The following TDRD12 variants were observed in gnomAD, a reference collection of about 807,000 sequenced individuals.
TDRD12 encodes the protein tudor domain containing 12.
TDRD12 carries 158 observed loss-of-function variants against 133.5 expected under a neutral mutation model. The observed-to-expected ratio is 1.18, with a 90% CI of 1.04 to 1.35. TDRD12 has a LOEUF of 1.35. TDRD12 is among the 40% of genes most tolerant of loss of function. The pLI is 0.00. For missense variants in TDRD12, 1,443 were observed against 1,321.3 expected, an observed-to-expected ratio of 1.09 and a Z score of -1.43; for synonymous variants, 460 against 477.9, an observed-to-expected ratio of 0.96 and a Z score of 0.49.
intron 6 of TDRD12, among the ~76,000 whole-genome samples, chr19:32,750,260 A>C (rs1290632786): frequency 6.6e-6 from 1 of 151,960 alleles, no homozygotes; most frequent in African/African-American, 2.4e-5. Flanking sequence ...AAGAAAGCGG[A>C]CATCATATGT....
intron 21 of TDRD12, among the ~76,000 whole-genome samples, chr19:32,803,798 T>G (rs1010699450): frequency 1.3e-5 from 2 of 152,186 alleles, no homozygotes; most frequent in African/African-American, 2.4e-5. Context: ...AATATGCATT[T>G]CCCTAATGAT....
intron 11 of TDRD12, among the ~76,000 whole-genome samples, chr19:32,786,810 A>C (rs1970920809): frequency 6.6e-6 from 1 of 152,114 alleles, no homozygotes; most frequent in African/African-American, 2.4e-5. Context: ...TGGTTATTCT[A>C]GTTAGCCATT....
At chr19:32,827,226 T>G in exon 10 of TDRD12, 1 of 1,232,054 alleles carries the variant, frequency 8.1e-7, no homozygotes, top group Non-Finnish European at 1.0e-6. Context: ...TAGCAGCACT[T>G]CAGAGGATGA....
At chr19:32,808,393 C>G in intron 22 of TDRD12, among the ~76,000 whole-genome samples, 1 of 152,152 alleles carries the variant, frequency 6.6e-6, no homozygotes, top group East Asian at 1.9e-4. Context: ...AGGGCCATGC[C>G]CCTCCACAGC....
chr19:32,790,582 T>A, exon 12 of TDRD12: 1 of 1,551,904 alleles, frequency 6.4e-7, no homozygotes, highest in Non-Finnish European at 8.7e-7. Context: ...GAATCTCTGA[T>A]CTCCAGCAGG....
At chr19:32,812,538 G>C (rs770697693) in intron 24 of TDRD12, among the ~76,000 whole-genome samples, 14 of 152,186 alleles carry the variant, frequency 9.2e-5, no homozygotes, top group Non-Finnish European at 1.3e-4. Flanking sequence ...AGTAAAAGGA[G>C]CCTTTATCAC....
In TDRD12 at chr19:32,730,120, C is replaced by T. The variant is rs138571452; in HGVS notation, c.25-1605C>T. On this transcript the variant is annotated intron_variant, in intron 1 of 27. Coordinates refer to ENST00000444215, the Ensembl canonical transcript of TDRD12. ...TGCGTATTTCTTTCAGCCTTCCCAC[C>T]ATTGGTCTTCTCTGGACTCCTTGGG... Among the ~76,000 whole-genome samples, 1,166 of 152,212 alleles carry T rather than the reference C, an allele frequency of 7.7e-3. 5 individuals carry two copies. Among genetic ancestry groups the T allele is most frequent in the Non-Finnish European group, 0.013 (851 of 68,018 alleles).
At chr19:32,752,758 C>A (rs1373506602) in intron 6 of TDRD12, among the ~76,000 whole-genome samples, 1 of 151,304 alleles carries the variant, frequency 6.6e-6, no homozygotes, top group African/African-American at 2.4e-5. Context: ...TTGTTATTTG[C>A]CAGACCTAGC....
intron 4 of TDRD12, among the ~76,000 whole-genome samples, chr19:32,745,031 T>C (rs1969559254): frequency 6.6e-6 from 1 of 152,226 alleles, no homozygotes. Flanking sequence ...GATAAGTCCC[T>C]GCTGAGGCCA....
chr19:32,755,841 C>A, intron 6 of TDRD12, 151 bp from the exon 7 acceptor site: 1 of 559,644 alleles, frequency 1.8e-6, no homozygotes. Flanking sequence ...TTTGGTTTAC[C>A]AGAGCAGGAG....
intron 2 of TDRD12, among the ~76,000 whole-genome samples, chr19:32,734,652 C>T (rs889511647): frequency 1.3e-5 from 2 of 152,130 alleles, no homozygotes; most frequent in Admixed American, 1.3e-4. Context: ...GGATTACAGG[C>T]ATGAATCACT....
chr19:32,804,208 G>C (rs946635850), intron 21 of TDRD12, among the ~76,000 whole-genome samples: 7 of 151,626 alleles, frequency 4.6e-5, no homozygotes, highest in African/African-American at 1.7e-4. Context: ...GAGTAGCTGG[G>C]ACTACAGGCA....
intron 27 of TDRD12, among the ~76,000 whole-genome samples, chr19:32,820,260 TC>T (rs1222195327): frequency 6.6e-6 from 1 of 152,130 alleles, no homozygotes; most frequent in Non-Finnish European, 1.5e-5. Flanking sequence ...ACACCCCTCC[TC>T]CTCGTGTGTG....
At chr19:32,747,878 G>T (rs148464160) in intron 4 of TDRD12, among the ~76,000 whole-genome samples, 2 of 152,164 alleles carry the variant, frequency 1.3e-5, no homozygotes, top group African/African-American at 4.8e-5. Flanking sequence ...CGCTGAGTGT[G>T]GTGGGGCACA....
chr19:32,790,519 A>G lies in TDRD12; in HGVS notation c.1122-12A>G. 1 of 1,550,140 alleles carries G rather than the reference A, an allele frequency of 6.5e-7. No individual in the cohort carries two copies. Among genetic ancestry groups the G allele is most frequent in the Non-Finnish European group, 8.7e-7 (1 of 1,146,272 alleles). ...CCTTTTTCTTCACATTCTTCTTTTA[A>G]CTATCTTACAGATTACTGCAGTTTT... is the stretch of plus-strand genomic sequence containing the variant. On this transcript the variant is annotated splice_polypyrimidine_tract_variant and intron_variant, in intron 11 of 27. Transcript: ENST00000444215.
intron 26 of TDRD12, among the ~76,000 whole-genome samples, chr19:32,815,992 C>CAAAA (rs1568495667): frequency 7.2e-6 from 1 of 139,068 alleles, no homozygotes. Context: ...GACTACGTCT[C>CAAAA]AAAAAAGAAA....
chr19:32,731,884 G>A lies in TDRD12; in HGVS notation c.183+1G>A, dbSNP rs1969068610. ...ACCCTTAACATTGGAAGAAGGACAG[G>A]TATGTATCTAAATGTTCTTTAATCA... On this transcript the variant is annotated splice_donor_variant, in intron 2 of 27. Transcript: ENST00000444215. LOFTEE classifies it high-confidence loss of function. 1.9e-6 allele frequency: 3 copies of A among 1,538,750 alleles called. No homozygotes were observed. Among genetic ancestry groups the A allele is most frequent in the African/African-American group, 2.8e-5 (2 of 72,210 alleles).
intron 25 of TDRD12, 102 bp from the exon 26 acceptor site, chr19:32,815,346 G>A (rs1377591199): frequency 1.2e-5 from 12 of 984,268 alleles, no homozygotes; most frequent in South Asian, 3.4e-5. Flanking sequence ...TGCAGCCAAC[G>A]TGGCAGGCTG....
At position 32,798,453 on chromosome 19, in the gene TDRD12, T is replaced by A; in HGVS notation, c.1758+18T>A. The A allele has an allele frequency of 6.6e-7, 1 of 1,519,638 alleles. No individual in the cohort carries two copies. The allele number at this position is 1,519,638 out of a possible 1,614,324, so 94.1% of individuals were successfully genotyped here. On this transcript the variant is annotated intron_variant, in intron 16 of 27. Coordinates refer to ENST00000444215, the Ensembl canonical transcript of TDRD12. ...ATGAACAGGTGAGCGTGGCTTAAGG[T>A]CCTCAGCACTCAGAAGAGAGGCGTG...
Sources: allele counts gnomAD v4.1 joint callset (sites outside exome capture counted in the v4.1 genomes callset), GRCh38; gene constraint gnomAD v4.1.1; transcripts MANE v1.5; gene names NCBI Gene and HGNC (gene_info 2026-07-23, HGNC 2026-07-21).